SLC1A6: variants seen among roughly 807,000 people sequenced by gnomAD.
SLC1A6 encodes excitatory amino acid transporter 4.
In SLC1A6, 15 loss-of-function variants were observed where a neutral mutation model predicts 42.1. The ratio of observed to expected loss-of-function variants is 0.36; its 90% CI spans 0.24 to 0.55. The LOEUF is 0.55. Among genes scored for constraint, SLC1A6 ranks in the 20% least tolerant of loss-of-function variants. SLC1A6 has a pLI of 0.88. For missense variants in SLC1A6, 542 were observed against 772.5 expected, an observed-to-expected ratio of 0.70 and a Z score of 3.54; for synonymous variants, 317 against 319.7, an observed-to-expected ratio of 0.99 and a Z score of 0.09.
At chr19:14,971,996 G>A in intron 2 of SLC1A6, 122 bp from the exon 3 acceptor site, 1 of 808,294 alleles carries the variant, frequency 1.2e-6, no homozygotes, top group Non-Finnish European at 2.0e-6. Context: ...TCCTATGAGT[G>A]TGTGTATTTG....
intron 1 of SLC1A6, chr19:14,974,546 G>A (rs2045682615): frequency 6.6e-6 from 1 of 151,594 alleles, no homozygotes; most frequent in Non-Finnish European, 1.5e-5. Flanking sequence ...CAGAAATTGT[G>A]ATTTTCATGG....
In SLC1A6 at chr19:14,979,033, G is replaced by GTC. The variant is rs1386503643; in HGVS notation, c.-8+274_-8+275dup. On this transcript the variant is annotated intron_variant, in intron 1 of 9. Transcript: ENST00000594383. This position sits in a 1 kb window ranked among gnomAD's most constrained non-coding sequence, Gnocchi z 4.2. ...GACGGCGATCCCACTCACAAATTCA[G>GTC]TCTCTCTCTCTCTCTGTCACACACA... is the stretch of plus-strand genomic sequence containing the variant. 4.5e-3 allele frequency among the ~76,000 whole-genome samples: 459 copies of GTC among 101,092 alleles called. 2 individuals are homozygous for GTC. Among genetic ancestry groups the GTC allele is most frequent in the African/African-American group, 0.014 (400 of 27,914 alleles). 66.3% of individuals were successfully genotyped at this position (101,092 alleles called of 152,430 possible). A position where few individuals can be genotyped will look rare whatever the true frequency, so the allele number is the denominator to read the frequency against.
At chr19:14,986,803 C>G (rs892431253) in intron 1 of SLC1A6, among the ~76,000 whole-genome samples, 1 of 152,032 alleles carries the variant, frequency 6.6e-6, no homozygotes, top group Non-Finnish European at 1.5e-5. Flanking sequence ...AACTCCTGGA[C>G]TCAAGTGATC....
intron 1 of SLC1A6, among the ~76,000 whole-genome samples, chr19:14,999,973 C>G (rs2045865263): frequency 6.6e-6 from 1 of 151,952 alleles, no homozygotes; most frequent in African/African-American, 2.4e-5. Context: ...TTAGGTATGT[C>G]TCCTAATGCT....
chr19:14,954,390 C>G lies in SLC1A6; in HGVS notation c.1170-61G>C, dbSNP rs928956688. 2.7e-6 allele frequency: 4 copies of G among 1,488,966 alleles called. No homozygotes were observed. In the African/African-American group the frequency reaches 5.5e-5, roughly 21 times the overall value. The allele number at this position is 1,488,966 out of a possible 1,614,324, so 92.2% of individuals were successfully genotyped here. On this transcript the variant is annotated intron_variant, in intron 7 of 9. Transcript: ENST00000594383. ...GGCCTGGTGGGGGCGGGGCTGGGAA[C>G]AGGGTGTGGCCTAGTGGGGCAGGGC...
At chr19:15,008,029 C>G (rs867487021) in intron 1 of SLC1A6, among the ~76,000 whole-genome samples, 2,064 of 135,920 alleles carry the variant, frequency 0.015, 52 homozygotes, top group African/African-American at 0.054. Context: ...CTGCCCCCCC[C>G]CCAAAAAAAA....
chr19:14,964,775 G>A (rs377105475), intron 4 of SLC1A6, among the ~76,000 whole-genome samples: 84 of 152,128 alleles, frequency 5.5e-4, no homozygotes, highest in African/African-American at 2.0e-3. Flanking sequence ...TTAACTTTAG[G>A]TTTCGTCTAG....
intron 5 of SLC1A6, 33 bp from the exon 6 acceptor site, chr19:14,962,378 T>C (rs780619636): frequency 1.2e-5 from 19 of 1,522,964 alleles, no homozygotes; most frequent in Middle Eastern, 1.7e-4. Flanking sequence ...CCAGATTCAA[T>C]TCAGCGGATG....
intron 1 of SLC1A6, among the ~76,000 whole-genome samples, chr19:15,003,594 C>T (rs769274999): frequency 9.5e-4 from 142 of 149,168 alleles, no homozygotes; most frequent in Non-Finnish European, 1.5e-3. Flanking sequence ...CATCGGGGAA[C>T]CTAAAAAGGG....
intron 1 of SLC1A6, chr19:14,974,851 G>A (rs2045685533): frequency 6.6e-6 from 1 of 151,764 alleles, no homozygotes; most frequent in South Asian, 2.1e-4. Context: ...GATCACCTGA[G>A]CCCAGGAGTT....
At chr19:14,998,574 CA>C (rs2045857787) in intron 1 of SLC1A6, among the ~76,000 whole-genome samples, 2 of 151,960 alleles carry the variant, frequency 1.3e-5, no homozygotes, top group South Asian at 4.2e-4. Context: ...TAAACAACAA[CA>C]ACAAAAAAAG....
At chr19:14,995,363 AAG>A (rs1568300700) in intron 1 of SLC1A6, among the ~76,000 whole-genome samples, 28 of 123,590 alleles carry the variant, frequency 2.3e-4, no homozygotes, top group Middle Eastern at 4.5e-3. Context: ...GAAAGAAAGA[AAG>A]AAAAGGGAAG....
chr19:14,993,815 T>G (rs1189537332), intron 1 of SLC1A6, among the ~76,000 whole-genome samples: 1 of 152,070 alleles, frequency 6.6e-6, no homozygotes, highest in Non-Finnish European at 1.5e-5. Flanking sequence ...GACAGGATGG[T>G]TGGGTGCAGG....
Position 14,962,250 on chromosome 19 carries a change from T to A in SLC1A6, c.687A>T (p.Ser229=). 6.2e-7 allele frequency: 1 copy of A among 1,613,772 alleles called. No individual in the cohort carries two copies. The highest frequency in any genetic ancestry group is 8.5e-7 in the Non-Finnish European group (1 of 1,179,696). Reference sequence around the variant, plus strand: ...CCAGGAAGCTGGTTCCGTTCTCCACTGAGAATGGAGGAGGCATGGAGGCAC... The same window carrying A: ...CCAGGAAGCTGGTTCCGTTCTCCACAGAGAATGGAGGAGGCATGGAGGCAC... ...EPGASMPPPF[S]VENGTSFLEN... Residue 229 remains serine (S), a synonymous_variant, in exon 6 of 10, where the codon TCA becomes TCT. Coordinates refer to ENST00000594383, the MANE Select transcript of SLC1A6 (RefSeq NM_005071.3).
intron 7 of SLC1A6, among the ~76,000 whole-genome samples, chr19:14,954,866 A>G (rs1487112769): frequency 6.6e-6 from 1 of 152,154 alleles, no homozygotes. Context: ...ACTACACACT[A>G]GTTTATGGCA....
intron 1 of SLC1A6, among the ~76,000 whole-genome samples, chr19:15,008,207 T>C (rs908562660): frequency 1.1e-4 from 16 of 151,930 alleles, no homozygotes; most frequent in Admixed American, 6.6e-5. Flanking sequence ...TAGCCAAGTG[T>C]GGTGGCGTGC....
intron 4 of SLC1A6, among the ~76,000 whole-genome samples, chr19:14,967,145 G>C (rs2045583571): frequency 6.6e-6 from 1 of 152,158 alleles, no homozygotes; most frequent in African/African-American, 2.4e-5. Context: ...CCCACCTTAA[G>C]GGTCATATCC....
rs1300964394 is a variant in SLC1A6, at chr19:14,950,167, T to G, written c.*28A>C. ...TCCCCTCCCCAGCCCCCTTCCCTCC[T>G]CTCTGGGGGGGCAGAGCTGGAGGCC... On this transcript the variant is annotated 3_prime_UTR_variant, in exon 10 of 10. Transcript: ENST00000594383. The G allele has an allele frequency of 6.8e-7, 1 of 1,461,454 alleles. No homozygotes were observed. Among genetic ancestry groups the G allele is most frequent in the Non-Finnish European group, 9.1e-7 (1 of 1,098,668 alleles). The allele number at this position is 1,461,454 out of a possible 1,614,324, so 90.5% of individuals were successfully genotyped here. A position where few individuals can be genotyped will look rare whatever the true frequency, so the allele number is the denominator to read the frequency against.
intron 1 of SLC1A6, among the ~76,000 whole-genome samples, chr19:14,991,847 T>A (rs546852133): frequency 2.7e-5 from 3 of 110,216 alleles, no homozygotes; most frequent in African/African-American, 1.1e-4. Context: ...TTTCTTTTTT[T>A]TTTTTTTCTA....
Sources: allele counts gnomAD v4.1 joint callset (sites outside exome capture counted in the v4.1 genomes callset), GRCh38; gene constraint gnomAD v4.1.1; non-coding constraint Gnocchi (gnomAD v3.1); transcripts MANE v1.5; gene names NCBI Gene and HGNC (gene_info 2026-07-23, HGNC 2026-07-21).